The following SLC71A2 variants were observed in gnomAD, a reference collection of about 807,000 sequenced individuals.
The protein encoded by SLC71A2 is hippocampus abundant transcript-like 1.
the SLC71A2 span, among the ~76,000 whole-genome samples, chr9:94,392,722 A>G: frequency 2.6e-5 from 4 of 152,128 alleles, no homozygotes; most frequent in African/African-American, 7.2e-5. Context: ...GATGATCTCA[A>G]TCTCTTGACC....
chr9:94,425,966 A>G, the SLC71A2 span, among the ~76,000 whole-genome samples: 1 of 152,074 alleles, frequency 6.6e-6, no homozygotes, highest in Non-Finnish European at 1.5e-5. Context: ...GTCAGGCTGT[A>G]GCCAGTTTTC....
chr9:94,405,387 C>T, the SLC71A2 span, among the ~76,000 whole-genome samples: 11 of 150,202 alleles, frequency 7.3e-5, no homozygotes, highest in East Asian at 6.0e-4. Flanking sequence ...CCCAGATACT[C>T]GGGAGGCTGA....
chr9:94,389,617 A>G, the SLC71A2 span, among the ~76,000 whole-genome samples: 1 of 133,052 alleles, frequency 7.5e-6, no homozygotes, highest in African/African-American at 2.9e-5. Flanking sequence ...TTTATTCCTT[A>G]TTTACTTGAG....
chr9:94,429,717 A>T, the SLC71A2 span, among the ~76,000 whole-genome samples: 7 of 152,142 alleles, frequency 4.6e-5, no homozygotes, highest in Non-Finnish European at 7.3e-5. Flanking sequence ...TATGATATAT[A>T]TAAAAACGGC....
the SLC71A2 span, among the ~76,000 whole-genome samples, chr9:94,400,418 A>G: frequency 6.6e-6 from 1 of 151,386 alleles, no homozygotes; most frequent in East Asian, 2.0e-4. Flanking sequence ...GTCAGTTTCT[A>G]TGTTTATTCA....
chr9:94,426,801 A>G, the SLC71A2 span, among the ~76,000 whole-genome samples: 2 of 152,184 alleles, frequency 1.3e-5, no homozygotes, highest in African/African-American at 4.8e-5. Flanking sequence ...GAATACTTAA[A>G]GGGGATATTT....
chr9:94,420,847 C>T, the SLC71A2 span, among the ~76,000 whole-genome samples: 1 of 151,814 alleles, frequency 6.6e-6, no homozygotes, highest in Non-Finnish European at 1.5e-5. Flanking sequence ...TGTGGTGAGC[C>T]GAGATCATGC....
chr9:94,440,988 G>A, the SLC71A2 span: 2 of 1,597,026 alleles, frequency 1.3e-6, no homozygotes, highest in Admixed American at 1.7e-5. Flanking sequence ...TTTATAGGTG[G>A]TATTTTGCGA....
At chr9:94,459,122 CTG>C in the SLC71A2 span, 1 of 1,599,358 alleles carries the variant, frequency 6.3e-7, no homozygotes, top group Non-Finnish European at 8.5e-7. Flanking sequence ...AAAAGACTAA[CTG>C]TATTCTTTGT....
chr9:94,395,573 T>G, the SLC71A2 span, among the ~76,000 whole-genome samples: 2 of 152,190 alleles, frequency 1.3e-5, no homozygotes, highest in Non-Finnish European at 2.9e-5. Flanking sequence ...TGACCCCTTG[T>G]GGTCTCAAGA....
At chr9:94,446,676 A>G in the SLC71A2 span, 2 of 496,488 alleles carry the variant, frequency 4.0e-6, no homozygotes, top group Non-Finnish European at 7.2e-6. Context: ...ACTTCCTCAG[A>G]AAGATGGTGA....
the SLC71A2 span, among the ~76,000 whole-genome samples, chr9:94,390,079 T>G: frequency 6.6e-6 from 1 of 152,102 alleles, no homozygotes; most frequent in South Asian, 2.1e-4. Flanking sequence ...CCGGGCGTGG[T>G]GGCGGGCACC....
the SLC71A2 span, among the ~76,000 whole-genome samples, chr9:94,451,908 G>GC: frequency 2.0e-5 from 3 of 152,206 alleles, no homozygotes; most frequent in African/African-American, 7.2e-5. Flanking sequence ...AGGGGCCCTG[G>GC]CCCCGATGCC....
the SLC71A2 span, among the ~76,000 whole-genome samples, chr9:94,398,478 A>G: frequency 2.0e-5 from 3 of 152,178 alleles, no homozygotes; most frequent in East Asian, 3.9e-4. Context: ...CTTTTGGTCC[A>G]TAACTAAGGT....
At chr9:94,402,765 C>T in the SLC71A2 span, among the ~76,000 whole-genome samples, 1 of 152,216 alleles carries the variant, frequency 6.6e-6, no homozygotes, top group Non-Finnish European at 1.5e-5. Context: ...CCTACAGACT[C>T]ATCTTGAAAC....
At chr9:94,379,446 G>A in the SLC71A2 span, among the ~76,000 whole-genome samples, 2 of 141,066 alleles carry the variant, frequency 1.4e-5, no homozygotes, top group Non-Finnish European at 3.1e-5. Context: ...GGAGTGCGGT[G>A]GCGCACAATC....
At chr9:94,446,290 G>T in the SLC71A2 span, among the ~76,000 whole-genome samples, 3 of 152,202 alleles carry the variant, frequency 2.0e-5, no homozygotes, top group Non-Finnish European at 2.9e-5. Flanking sequence ...ATGTAAGAAG[G>T]ATTTTTCAAC....
the SLC71A2 span, chr9:94,453,898 C>T: frequency 8.8e-7 from 1 of 1,135,326 alleles, no homozygotes; most frequent in South Asian, 1.2e-5. Context: ...ACACACAGAG[C>T]TTGTATTTTA....
the SLC71A2 span, chr9:94,456,318 T>C: frequency 1.2e-6 from 2 of 1,614,090 alleles, no homozygotes; most frequent in Admixed American, 1.7e-5. Flanking sequence ...TCTCTCGGAA[T>C]GCAGAGTCAG....
Sources: allele counts gnomAD v4.1 joint callset (sites outside exome capture counted in the v4.1 genomes callset), GRCh38; gene constraint gnomAD v4.1.1; transcripts MANE v1.5; gene names NCBI Gene and HGNC (gene_info 2026-07-23, HGNC 2026-07-21).